PDE1A: variants seen among roughly 807,000 people sequenced by gnomAD.
PDE1A encodes the protein phosphodiesterase 1A, also known as dual specificity calcium/calmodulin-dependent 3',5'-cyclic nucleotide phosphodiesterase 1A.
Under a neutral mutation model 61.7 loss-of-function variants are expected in PDE1A, and 35 were observed. That is an observed-to-expected ratio of 0.57 (90% CI 0.43 to 0.75). PDE1A has a LOEUF of 0.75. Ranked by LOEUF, PDE1A falls within the 30% of genes least tolerant of loss-of-function variation. The probability of loss-of-function intolerance (pLI) is 0.00; values close to 1 mark genes in which losing one functional copy is unlikely to be tolerated. For missense variants in PDE1A, 597 were observed against 630.6 expected, an observed-to-expected ratio of 0.95 and a Z score of 0.57; for synonymous variants, 232 against 213.2, an observed-to-expected ratio of 1.09 and a Z score of -0.77.
At chr2:182,430,060 A>T (rs1703853776), upstream of PDE1A, among the ~76,000 whole-genome samples, 1 of 152,304 alleles carries the variant, frequency 6.6e-6, no homozygotes, top group African/African-American at 2.4e-5. Flanking sequence ...TGCAAGAAAG[A>T]AAGGATTAGA....
the PDE1A span, among the ~76,000 whole-genome samples, chr2:182,568,265 GA>G: frequency 2.6e-5 from 4 of 151,934 alleles, no homozygotes; most frequent in African/African-American, 9.7e-5. Context: ...ATAAACTTAA[GA>G]AAAAAACATT....
At chr2:182,342,260 T>A (rs775745335) in intron 1 of PDE1A, among the ~76,000 whole-genome samples, 2 of 152,202 alleles carry the variant, frequency 1.3e-5, no homozygotes, top group Non-Finnish European at 2.9e-5. Flanking sequence ...TGTTTGTTTT[T>A]ATATAGTATT....
At chr2:182,330,646 C>A (rs1305843822) in intron 1 of PDE1A, among the ~76,000 whole-genome samples, 1 of 152,146 alleles carries the variant, frequency 6.6e-6, no homozygotes, top group African/African-American at 2.4e-5. Context: ...GCCTCTGAAC[C>A]CACGGCAATC....
upstream of PDE1A, among the ~76,000 whole-genome samples, chr2:182,527,373 TAC>T (rs1559543492): frequency 1.5e-5 from 1 of 64,990 alleles, no homozygotes; most frequent in Non-Finnish European, 2.7e-5. Flanking sequence ...TATATATATA[TAC>T]ACATATATAT....
intron 2 of PDE1A, among the ~76,000 whole-genome samples, chr2:182,474,496 G>A (rs1248304404): frequency 6.6e-6 from 1 of 151,846 alleles, no homozygotes; most frequent in Non-Finnish European, 1.5e-5. Flanking sequence ...ATTAGCATGT[G>A]ATCTTGATCA....
intron 1 of PDE1A, among the ~76,000 whole-genome samples, chr2:182,410,809 G>C (rs1702566869): frequency 6.6e-6 from 1 of 152,166 alleles, no homozygotes; most frequent in South Asian, 2.1e-4. Context: ...ACAAGACACA[G>C]AAAAGAAGTA....
intron 8 of PDE1A, among the ~76,000 whole-genome samples, chr2:182,203,223 G>C (rs1233236053): frequency 1.3e-5 from 2 of 152,168 alleles, no homozygotes; most frequent in Non-Finnish European, 2.9e-5. Context: ...GGGAGGCTGA[G>C]GCAGGAGAAT....
chr2:182,529,891 C>T, the PDE1A span, among the ~76,000 whole-genome samples: 3 of 152,160 alleles, frequency 2.0e-5, no homozygotes, highest in African/African-American at 7.2e-5. Context: ...GTCCATTAAA[C>T]CTCTTTTCCT....
the PDE1A span, among the ~76,000 whole-genome samples, chr2:182,698,434 A>T: frequency 6.6e-6 from 1 of 152,224 alleles, no homozygotes. Context: ...GAAAACATGG[A>T]AACAACTTTA....
chr2:182,456,459 G>A (rs1574704032), intron 2 of PDE1A, among the ~76,000 whole-genome samples: 1 of 151,942 alleles, frequency 6.6e-6, no homozygotes, highest in East Asian at 1.9e-4. Flanking sequence ...ATAAATTTTT[G>A]AATCAATATA....
chr2:182,427,797 A>G (rs1340905622), upstream of PDE1A, among the ~76,000 whole-genome samples: 1 of 152,218 alleles, frequency 6.6e-6, no homozygotes, highest in Non-Finnish European at 1.5e-5. Flanking sequence ...CAAAGTTCCT[A>G]TTCAGTCAAT....
intron 1 of PDE1A, among the ~76,000 whole-genome samples, chr2:182,323,986 C>T (rs747530060): frequency 2.6e-5 from 4 of 152,006 alleles, no homozygotes; most frequent in Non-Finnish European, 5.9e-5. Flanking sequence ...ATCAGAGACT[C>T]GCTACACCAG....
the PDE1A span, among the ~76,000 whole-genome samples, chr2:182,532,944 T>TAAAAAAA: frequency 4.4e-4 from 1 of 2,278 alleles, no homozygotes; most frequent in African/African-American, 1.2e-3. Context: ...AGACTCCGTC[T>TAAAAAAA]CAAAAAAAAA....
At chr2:182,453,425 C>A (rs888248994) in intron 2 of PDE1A, among the ~76,000 whole-genome samples, 1 of 151,540 alleles carries the variant, frequency 6.6e-6, no homozygotes, top group Non-Finnish European at 1.5e-5. Context: ...GAATTGTGAA[C>A]TTCTTCATTA....
chr2:182,373,593 G>A (rs750987871), intron 1 of PDE1A, among the ~76,000 whole-genome samples: 9 of 152,098 alleles, frequency 5.9e-5, no homozygotes, highest in Non-Finnish European at 8.8e-5. Context: ...TTTCCTTAAA[G>A]TAAACATTCA....
At chr2:182,223,873 A>T in exon 7 of PDE1A, 1 of 1,574,960 alleles carries the variant, frequency 6.3e-7, no homozygotes, top group Non-Finnish European at 8.6e-7. Context: ...CCTTGTCTGA[A>T]TGTGAAAGTT....
intron 7 of PDE1A, among the ~76,000 whole-genome samples, chr2:182,218,359 T>C (rs1481500749): frequency 1.3e-5 from 2 of 151,520 alleles, no homozygotes; most frequent in East Asian, 1.9e-4. Flanking sequence ...GCATGGCACA[T>C]GTATACATAT....
the PDE1A span, among the ~76,000 whole-genome samples, chr2:182,626,862 TATATATATACATATATATATAC>T: frequency 3.8e-3 from 156 of 41,196 alleles, 22 homozygotes; most frequent in Non-Finnish European, 5.8e-3. Context: ...TATATATACA[TATATATATACATATATATATAC>T]ACATATATAT....
upstream of PDE1A, among the ~76,000 whole-genome samples, chr2:182,428,846 GTCT>G (rs570161973): frequency 3.0e-3 from 449 of 152,116 alleles, 5 homozygotes; most frequent in African/African-American, 0.01. Flanking sequence ...CTTTCATTTT[GTCT>G]TCTTTTGAAT....
Sources: allele counts gnomAD v4.1 joint callset (sites outside exome capture counted in the v4.1 genomes callset), GRCh38; gene constraint gnomAD v4.1.1; transcripts MANE v1.5; gene names NCBI Gene and HGNC (gene_info 2026-07-23, HGNC 2026-07-21).